Variants in PREX2 observed in about 807,000 individuals in gnomAD.
PREX2 encodes phosphatidylinositol-3,4,5-trisphosphate dependent Rac exchange factor 2.
Under a neutral mutation model 203.2 loss-of-function variants are expected in PREX2, and 107 were observed. That is an observed-to-expected ratio of 0.53 (90% CI 0.45 to 0.62). The LOEUF (loss-of-function observed/expected upper bound fraction) is 0.62, where lower values mean the gene tolerates loss of function less well. PREX2 is among the 20% of genes least tolerant of loss of function. The pLI, the probability that PREX2 is intolerant of heterozygous loss-of-function variation, is 0.00. For missense variants in PREX2, 1,777 were observed against 1,955.9 expected, an observed-to-expected ratio of 0.91 and a Z score of 1.72; for synonymous variants, 672 against 663.6, an observed-to-expected ratio of 1.01 and a Z score of -0.19.
intron 18 of PREX2, among the ~76,000 whole-genome samples, chr8:68,084,227 T>C (rs35374354): frequency 0.22 from 33,043 of 152,044 alleles, 3,874 homozygotes; most frequent in African/African-American, 0.31. Flanking sequence ...GTACAAACTA[T>C]TTAGCATAAT....
At chr8:68,178,391 T>G (rs1032731321) in intron 35 of PREX2, among the ~76,000 whole-genome samples, 1 of 152,236 alleles carries the variant, frequency 6.6e-6, no homozygotes, top group African/African-American at 2.4e-5. Flanking sequence ...TGAGCTTTTT[T>G]TCATAGGCTT....
chr8:68,182,762 T>C (rs1812109844), intron 35 of PREX2, among the ~76,000 whole-genome samples: 2 of 151,890 alleles, frequency 1.3e-5, no homozygotes, highest in East Asian at 1.9e-4. Context: ...ATTGCAAATT[T>C]AAAAAATGGG....
chr8:68,187,483 A>G (rs879264241), intron 35 of PREX2, among the ~76,000 whole-genome samples: 17 of 152,186 alleles, frequency 1.1e-4, no homozygotes, highest in African/African-American at 3.6e-4. Context: ...AATGAGTCCT[A>G]TATGCTTATC....
chr8:68,130,350 G>A (rs1434757), intron 31 of PREX2, among the ~76,000 whole-genome samples: 20,374 of 151,860 alleles, frequency 0.13, 1,502 homozygotes, highest in East Asian at 0.29. Context: ...TTTGGTAAAG[G>A]ATGGATACTT....
At chr8:68,066,867 A>G (rs1237726310) in intron 11 of PREX2, among the ~76,000 whole-genome samples, 2 of 152,092 alleles carry the variant, frequency 1.3e-5, no homozygotes, top group Non-Finnish European at 2.9e-5. Context: ...GTTACATCAT[A>G]TGTTTAAATC....
intron 8 of PREX2, among the ~76,000 whole-genome samples, chr8:68,047,506 T>TATATATAC (rs1227593656): frequency 1.8e-5 from 1 of 54,938 alleles, no homozygotes; most frequent in African/African-American, 1.4e-4. Context: ...TATATATATA[T>TATATATAC]ACACATACAT....
At chr8:68,000,556 T>G (rs1239725229) in intron 1 of PREX2, among the ~76,000 whole-genome samples, 1 of 152,184 alleles carries the variant, frequency 6.6e-6, no homozygotes, top group African/African-American at 2.4e-5. Context: ...TTATTCCTTT[T>G]AAACTACCAA....
intron 11 of PREX2, among the ~76,000 whole-genome samples, chr8:68,062,456 C>A (rs899534255): frequency 1.3e-5 from 2 of 152,230 alleles, no homozygotes; most frequent in African/African-American, 4.8e-5. Flanking sequence ...CCCTGACTTC[C>A]TCTCAGAGCC....
chr8:68,076,144 A>G (rs1809340469), intron 14 of PREX2, among the ~76,000 whole-genome samples: 1 of 152,120 alleles, frequency 6.6e-6, no homozygotes, highest in Non-Finnish European at 1.5e-5. Flanking sequence ...TAGTTTTGGA[A>G]CCGAGTTTCT....
intron 22 of PREX2, among the ~76,000 whole-genome samples, chr8:68,097,609 G>A (rs1255141668): frequency 6.6e-6 from 1 of 152,222 alleles, no homozygotes; most frequent in African/African-American, 2.4e-5. Context: ...GCAGGCGTGA[G>A]CCGCTGTGCC....
chr8:68,085,610 G>A (rs1046938729), intron 18 of PREX2, among the ~76,000 whole-genome samples: 2 of 152,084 alleles, frequency 1.3e-5, no homozygotes, highest in East Asian at 1.9e-4. Context: ...CTTATTTTCT[G>A]TAGGAAATAG....
At chr8:68,163,908 C>G (rs777552588) in intron 35 of PREX2, among the ~76,000 whole-genome samples, 88 of 152,172 alleles carry the variant, frequency 5.8e-4, no homozygotes, top group Non-Finnish European at 1.1e-3. Context: ...CTGCCAGTGA[C>G]TCTCCAGTCA....
At chr8:68,121,429 A>G (rs952963000) in intron 30 of PREX2, among the ~76,000 whole-genome samples, 2 of 152,148 alleles carry the variant, frequency 1.3e-5, no homozygotes, top group African/African-American at 4.8e-5. Context: ...GTGAAGCTGT[A>G]TGAGAATCAA....
At chr8:68,110,872 G>A (rs1370532950) in intron 25 of PREX2, 1 of 329,232 alleles carries the variant, frequency 3.0e-6, no homozygotes, top group African/African-American at 2.2e-5. Context: ...TTAAGATTTT[G>A]TTTTTCTATT....
At chr8:68,195,601 C>G (rs1812378724) in intron 37 of PREX2, among the ~76,000 whole-genome samples, 1 of 152,110 alleles carries the variant, frequency 6.6e-6, no homozygotes, top group South Asian at 2.1e-4. Context: ...TTTAGTAATT[C>G]TAATTTAGAC....
intron 1 of PREX2, among the ~76,000 whole-genome samples, chr8:67,954,106 C>G (rs1277905909): frequency 6.6e-6 from 1 of 152,036 alleles, no homozygotes; most frequent in Non-Finnish European, 1.5e-5. Flanking sequence ...AATCTTAAAC[C>G]TGATCATTAC....
At chr8:68,218,241 G>A (rs574972051) in intron 38 of PREX2, among the ~76,000 whole-genome samples, 30 of 152,098 alleles carry the variant, frequency 2.0e-4, no homozygotes, top group Non-Finnish European at 3.7e-4. Flanking sequence ...GACTGTCTTC[G>A]GGTCACTGGA....
Position 68,120,954 on chromosome 8 carries a change from G to T in PREX2, c.3629G>T (p.Cys1210Phe), listed in dbSNP as rs769657897. The T allele has an allele frequency of 3.7e-6, 6 of 1,613,570 alleles. No individual in the cohort carries two copies. Among genetic ancestry groups the T allele is most frequent in the Non-Finnish European group, 3.4e-6 (4 of 1,179,654 alleles). ...CAGGAAATGGAACCAAAGCTGAGTTGTCCAAAAAGGCTACGGCTTCATATC... is the reference window on the plus strand; with the variant it reads ...CAGGAAATGGAACCAAAGCTGAGTTTTCCAAAAAGGCTACGGCTTCATATC... ...FQQEMEPKLS[C>F]PKRLRLHIKQ... is the part of the protein sequence containing the mutation. The change falls in exon 30 of 40, where the codon TGT becomes TTT. Residue 1210 changes from cysteine to phenylalanine, a missense_variant. Coordinates refer to ENST00000288368, the MANE Select transcript of PREX2 (RefSeq NM_024870.4).
At chr8:68,088,624 A>G (rs1809773589) in intron 19 of PREX2, among the ~76,000 whole-genome samples, 1 of 152,036 alleles carries the variant, frequency 6.6e-6, no homozygotes, top group African/African-American at 2.4e-5. Flanking sequence ...TTATTATAAC[A>G]TTACTTTCAT....
Sources: allele counts gnomAD v4.1 joint callset (sites outside exome capture counted in the v4.1 genomes callset), GRCh38; gene constraint gnomAD v4.1.1; transcripts MANE v1.5; gene names NCBI Gene and HGNC (gene_info 2026-07-23, HGNC 2026-07-21).